Variants in ATF6 observed in about 807,000 individuals in gnomAD.
The protein encoded by ATF6 is activating transcription factor 6, also known as cyclic AMP-dependent transcription factor ATF-6 alpha.
ATF6 carries 53 observed loss-of-function variants against 83.6 expected under a neutral mutation model. The ratio of observed to expected loss-of-function variants is 0.63; its 90% CI spans 0.51 to 0.80. The LOEUF (loss-of-function observed/expected upper bound fraction) is 0.80. Among genes scored for constraint, ATF6 ranks in the 30% least tolerant of loss-of-function variants. ATF6 has a pLI of 0.00. For missense variants in ATF6, 744 were observed against 797.9 expected (o/e 0.93, Z 0.81); for synonymous variants, 288 against 285.8 (o/e 1.01, Z -0.08).
At chr1:161,941,514 C>G (rs1688641224) in intron 15 of ATF6, among the ~76,000 whole-genome samples, 1 of 152,172 alleles carries the variant, frequency 6.6e-6, no homozygotes, top group Admixed American at 6.5e-5. Flanking sequence ...GGTAGGTTCT[C>G]TTTAAAAAGT....
intron 9 of ATF6, among the ~76,000 whole-genome samples, chr1:161,832,260 C>T (rs1686082418): frequency 6.6e-6 from 1 of 151,954 alleles, no homozygotes; most frequent in African/African-American, 2.4e-5. Flanking sequence ...AAAACAATGA[C>T]CAGGTTAAGA....
intron 6 of ATF6, among the ~76,000 whole-genome samples, chr1:161,794,078 T>A (rs1343169243): frequency 6.6e-6 from 1 of 152,114 alleles, no homozygotes; most frequent in African/African-American, 2.4e-5. Flanking sequence ...AGCTAATTTT[T>A]ATATTTTTAG....
chr1:161,878,230 C>CA (rs1305845419), intron 14 of ATF6, among the ~76,000 whole-genome samples: 1 of 152,096 alleles, frequency 6.6e-6, no homozygotes, highest in Admixed American at 6.5e-5. Context: ...CCTCCTGCCT[C>CA]AGCCTCCTGA....
intron 14 of ATF6, among the ~76,000 whole-genome samples, chr1:161,907,361 G>C (rs563264157): frequency 1.3e-5 from 2 of 152,102 alleles, no homozygotes; most frequent in African/African-American, 2.4e-5. Flanking sequence ...TTTTATTTTT[G>C]ATCTGCTTTT....
chr1:161,788,206 C>G (rs1684792624), intron 4 of ATF6, among the ~76,000 whole-genome samples: 1 of 152,190 alleles, frequency 6.6e-6, no homozygotes, highest in Admixed American at 6.5e-5. Flanking sequence ...TGACTTCTCT[C>G]CTGATACTTG....
intron 6 of ATF6, 73 bp downstream of exon 6, chr1:161,792,400 T>C: frequency 7.1e-7 from 1 of 1,408,734 alleles, no homozygotes; most frequent in Non-Finnish European, 9.8e-7. Flanking sequence ...TGATTTGTTT[T>C]AATTCAGGTT....
At position 161,882,709 on chromosome 1, in the gene ATF6, C is replaced by CT. The variant is rs111270591; in HGVS notation, c.1719+19409dup. Among the ~76,000 whole-genome samples, 114 of 143,284 alleles carry CT rather than the reference C, an allele frequency of 8.0e-4. 1 individual carries two copies. The highest frequency in any genetic ancestry group is 1.4e-3 in the East Asian group (7 of 5,000). The allele number at this position is 143,284 out of a possible 152,430, so 94.0% of individuals were successfully genotyped here. On this transcript the variant is annotated intron_variant, in intron 14 of 15. Transcript: ENST00000367942. Reference sequence around the variant, plus strand: ...TAAGTTTTAGTGGGGGTCGATACAGCTTTTTTTTTTTTGTAGAAAATCAGG... The same window carrying CT: ...TAAGTTTTAGTGGGGGTCGATACAGCTTTTTTTTTTTTTGTAGAAAATCAGG...
intron 15 of ATF6, among the ~76,000 whole-genome samples, chr1:161,931,951 A>G (rs1311780894): frequency 6.6e-6 from 1 of 152,206 alleles, no homozygotes; most frequent in Non-Finnish European, 1.5e-5. Flanking sequence ...GCCTGAAATG[A>G]ATACTTTATT....
chr1:161,952,378 G>A (rs549245609), intron 15 of ATF6, among the ~76,000 whole-genome samples: 4 of 151,996 alleles, frequency 2.6e-5, no homozygotes, highest in South Asian at 4.2e-4. Context: ...CCTCCTCTGG[G>A]CCCTGCACTT....
chr1:161,833,609 G>A (rs1686131255), intron 9 of ATF6, among the ~76,000 whole-genome samples: 1 of 152,184 alleles, frequency 6.6e-6, no homozygotes, highest in African/African-American at 2.4e-5. Context: ...TGTGACGAAT[G>A]CACAAGCCTC....
intron 1 of ATF6, among the ~76,000 whole-genome samples, chr1:161,773,387 C>A (rs1203311866): frequency 6.6e-6 from 1 of 152,042 alleles, no homozygotes; most frequent in South Asian, 2.1e-4. Context: ...TCCGCCTGCC[C>A]ACCTTGGCCT....
At chr1:161,802,942 C>T (rs1367618589) in intron 7 of ATF6, among the ~76,000 whole-genome samples, 4 of 152,144 alleles carry the variant, frequency 2.6e-5, no homozygotes, top group African/African-American at 9.7e-5. Flanking sequence ...TTGGAAATAA[C>T]TTATGTATTA....
At chr1:161,897,527 A>C (rs1017086920) in intron 14 of ATF6, among the ~76,000 whole-genome samples, 2 of 152,344 alleles carry the variant, frequency 1.3e-5, no homozygotes, top group African/African-American at 4.8e-5. Flanking sequence ...TAGATTTGTC[A>C]TGGCTGCTGC....
At chr1:161,871,156 T>C (rs1199095364) in intron 14 of ATF6, among the ~76,000 whole-genome samples, 1 of 151,708 alleles carries the variant, frequency 6.6e-6, no homozygotes. Context: ...AAAAGATTAC[T>C]AGAGGTGGGG....
At chr1:161,785,143 C>T (rs1165822784) in intron 4 of ATF6, among the ~76,000 whole-genome samples, 1 of 152,210 alleles carries the variant, frequency 6.6e-6, no homozygotes, top group East Asian at 1.9e-4. Context: ...GCACTCTACT[C>T]ATTCAACCGC....
At chr1:161,812,002 G>T (rs1054075244) in intron 7 of ATF6, among the ~76,000 whole-genome samples, 1 of 152,128 alleles carries the variant, frequency 6.6e-6, no homozygotes, top group African/African-American at 2.4e-5. Flanking sequence ...CAAAGTCTTT[G>T]TGAAGGGGAC....
chr1:161,871,361 G>A (rs1229925455), intron 14 of ATF6, among the ~76,000 whole-genome samples: 4 of 151,540 alleles, frequency 2.6e-5, no homozygotes, highest in Non-Finnish European at 3.0e-5. Flanking sequence ...GGAGGTGGGA[G>A]AGGAGCAGAA....
At chr1:161,896,201 G>A (rs749786271) in intron 14 of ATF6, among the ~76,000 whole-genome samples, 16 of 152,226 alleles carry the variant, frequency 1.1e-4, no homozygotes, top group South Asian at 1.0e-3. Context: ...TCTACCTCCC[G>A]GTTTCAAGTG....
chr1:161,916,024 T>TA (rs1688091215), intron 15 of ATF6, among the ~76,000 whole-genome samples: 1 of 152,212 alleles, frequency 6.6e-6, no homozygotes, highest in African/African-American at 2.4e-5. Flanking sequence ...TCAAAAGACT[T>TA]ACACTCACTG....
Sources: gnomAD v4.1 joint callset for allele counts (sites outside exome capture counted in the v4.1 genomes callset) on GRCh38, gnomAD v4.1.1 for gene constraint, MANE v1.5 for transcripts, NCBI Gene and HGNC (gene_info 2026-07-23, HGNC 2026-07-21) for gene names.